PCM1: variants seen among roughly 807,000 people sequenced by gnomAD.
PCM1 encodes pericentriolar material 1 protein.
A neutral mutation model predicts 241.9 loss-of-function variants in PCM1; 157 were observed. The ratio of observed to expected loss-of-function variants is 0.65; its 90% confidence interval spans 0.57 to 0.74. The LOEUF is 0.74. Among genes scored for constraint, PCM1 ranks in the 30% least tolerant of loss-of-function variants. The pLI, the probability that PCM1 is intolerant of heterozygous loss-of-function variation, is 0.00. For synonymous variants in PCM1, 1,085 were observed against 784.9 expected, an observed-to-expected ratio of 1.38 and a Z score of -6.39; for missense variants, 3,478 against 2,360.1, an observed-to-expected ratio of 1.47 and a Z score of -9.81.
chr8:17,925,189 G>A (rs1335478083), intron 2 of PCM1: 3 of 152,124 alleles, frequency 2.0e-5, no homozygotes, highest in African/African-American at 4.8e-5. Flanking sequence ...GTTATACCTT[G>A]ACCGAAATTT....
chr8:17,928,709 G>A (rs1448848593), intron 2 of PCM1, among the ~76,000 whole-genome samples: 1 of 134,432 alleles, frequency 7.4e-6, no homozygotes, highest in African/African-American at 2.8e-5. Flanking sequence ...TCCGCTCACT[G>A]TAACCTCTGC....
At chr8:17,946,836 T>TGTGG (rs758501552) in intron 6 of PCM1, among the ~76,000 whole-genome samples, 1 of 115,602 alleles carries the variant, frequency 8.7e-6, no homozygotes, top group East Asian at 2.0e-4. Context: ...TTCTTCAGTG[T>TGTGG]GTGTGTGTGT....
chr8:18,011,392 T>G, intron 33 of PCM1, 26 bp downstream of exon 33: 2 of 1,511,366 alleles, frequency 1.3e-6, no homozygotes, highest in East Asian at 2.3e-5. Flanking sequence ...CTGTACTATC[T>G]TTATACTTTA....
chr8:18,010,908 G>A (rs1172472221), intron 32 of PCM1, among the ~76,000 whole-genome samples: 3 of 152,130 alleles, frequency 2.0e-5, no homozygotes, highest in Admixed American at 6.5e-5. Context: ...GGGAGGCAGA[G>A]GTGGTATTGA....
intron 36 of PCM1, among the ~76,000 whole-genome samples, chr8:18,019,460 G>A (rs778328746): frequency 6.6e-5 from 10 of 152,018 alleles, no homozygotes; most frequent in East Asian, 1.9e-4. Context: ...TTATTATTAC[G>A]TTATATAATG....
intron 23 of PCM1, among the ~76,000 whole-genome samples, chr8:17,978,604 C>T (rs536313060): frequency 1.3e-5 from 2 of 152,074 alleles, no homozygotes; most frequent in South Asian, 2.1e-4. Context: ...ACTCAGGAAC[C>T]TTGTACTCAG....
Position 18,025,437 on chromosome 8 carries a change from T to G in PCM1, c.5918T>G (p.Leu1973Arg). Reference protein sequence around the residue: ...FVKVEDLPLKLTIYSEADLRK... With the variant: ...FVKVEDLPLKRTIYSEADLRK... ...AAAGTTGAAGATTTACCACTGAAAC[T>G]GACAATATATTCAGAGGTATTTAGC... is the stretch of plus-strand genomic sequence containing the variant. The change falls in exon 37 of 39, where the codon CTG becomes CGG. Residue 1973 changes from leucine (L) to arginine (R), a missense_variant. Leu to Arg is a moderately radical substitution (Grantham distance 102). Coordinates refer to ENST00000325083, the MANE Select transcript of PCM1 (RefSeq NM_006197.4). The G allele has an allele frequency of 6.3e-7, 1 of 1,592,702 alleles. No homozygotes were observed. The highest frequency in any genetic ancestry group is 8.6e-7 in the Non-Finnish European group (1 of 1,163,070).
intron 32 of PCM1, 52 bp from the exon 33 acceptor site, chr8:18,011,185 C>G (rs2092447126): frequency 7.4e-7 from 1 of 1,357,172 alleles, no homozygotes; most frequent in African/African-American, 1.5e-5. Flanking sequence ...TACTATATAC[C>G]TTTTACACAT....
At chr8:17,965,824 T>C (rs2074667099) in intron 18 of PCM1, among the ~76,000 whole-genome samples, 175 bp from the exon 19 acceptor site, 1 of 152,232 alleles carries the variant, frequency 6.6e-6, no homozygotes, top group Admixed American at 6.5e-5. Flanking sequence ...AAACTAATAA[T>C]TGTACAAAGC....
At chr8:17,944,358 T>C (rs953503363) in intron 6 of PCM1, among the ~76,000 whole-genome samples, 1 of 152,152 alleles carries the variant, frequency 6.6e-6, no homozygotes, top group African/African-American at 2.4e-5. Context: ...TCTAGGCTTA[T>C]AGTTCCTCAA....
rs1362945914 is a variant in PCM1, at chr8:18,029,373, G to A, written c.*1711G>A. On this transcript the variant is annotated 3_prime_UTR_variant, in exon 39 of 39. Transcript: ENST00000325083. ...TATCCAGGTGCTCTAACTAACTTCA[G>A]GGAAATTGGAACAATAAGTTATGTT... is the stretch of plus-strand genomic sequence containing the variant. 1 of 214,290 alleles carries A rather than the reference G, an allele frequency of 4.7e-6. No homozygotes were observed. The highest frequency in any genetic ancestry group is 9.4e-6 in the Non-Finnish European group (1 of 106,420). The allele number at this position is 214,290 out of a possible 1,614,324, so 13.3% of individuals were successfully genotyped here.
chr8:17,965,360 G>T (rs2074426721), intron 18 of PCM1, among the ~76,000 whole-genome samples: 1 of 152,212 alleles, frequency 6.6e-6, no homozygotes, highest in African/African-American at 2.4e-5. Flanking sequence ...ACATCTGGTT[G>T]AAAGGGGCTT....
chr8:18,017,696 A>G (rs1201473111), intron 36 of PCM1, among the ~76,000 whole-genome samples: 2 of 152,202 alleles, frequency 1.3e-5, no homozygotes, highest in Non-Finnish European at 2.9e-5. Flanking sequence ...TCTATTAAAA[A>G]TACAAAATTA....
chr8:17,964,871 C>T (rs1938775993), intron 18 of PCM1, 103 bp downstream of exon 18: 1 of 794,822 alleles, frequency 1.3e-6, no homozygotes, highest in African/African-American at 1.7e-5. Flanking sequence ...GAATGTCCTA[C>T]AACTCAATTC....
intron 10 of PCM1, chr8:17,955,995 C>T (rs2068224128): frequency 3.3e-6 from 1 of 300,368 alleles, no homozygotes; most frequent in Admixed American, 4.7e-5. Context: ...GGCTGTGTTA[C>T]CCTGTACAAA....
At chr8:17,984,786 G>C (rs2082070856) in intron 24 of PCM1, among the ~76,000 whole-genome samples, 3 of 151,902 alleles carry the variant, frequency 2.0e-5, no homozygotes, top group Admixed American at 2.0e-4. Context: ...AAATAATAGA[G>C]TGATGCCTAG....
chr8:18,023,070 A>ACAAT (rs2077816129), intron 36 of PCM1, among the ~76,000 whole-genome samples: 1 of 152,202 alleles, frequency 6.6e-6, no homozygotes, highest in Non-Finnish European at 1.5e-5. Flanking sequence ...AATAACCATG[A>ACAAT]CAATCACATC....
Position 17,963,219 on chromosome 8 carries a change from C to G in PCM1, c.2582C>G (p.Ser861Cys), listed in dbSNP as rs202145846. 1.2e-4 allele frequency: 199 copies of G among 1,613,632 alleles called. No individual in the cohort carries two copies. Among genetic ancestry groups the G allele is most frequent in the Admixed American group, 2.3e-4 (14 of 59,982 alleles). The stretch of plus-strand genomic sequence containing the variant: ...AGGCAAGGTCTAGCTGAAACTGCAT[C>G]TCCAGTGGCTGTGTCATTGAGAAGT... ...QRRQGLAETA[S>C]PVAVSLRSDG... The change falls in exon 17 of 39, where the codon TCT becomes TGT. Residue 861 changes from serine (S) to cysteine (C), a missense_variant. Ser to Cys is a moderately radical substitution (Grantham distance 112, BLOSUM62 -1). Transcript: ENST00000325083.
At chr8:17,997,342 G>C (rs2087250358) in intron 29 of PCM1, among the ~76,000 whole-genome samples, 1 of 152,094 alleles carries the variant, frequency 6.6e-6, no homozygotes. Context: ...ATGTTTGGCA[G>C]TTTGATTATT....
Sources: gnomAD v4.1 joint callset for allele counts (sites outside exome capture counted in the v4.1 genomes callset) on GRCh38, gnomAD v4.1.1 for gene constraint, MANE v1.5 for transcripts, NCBI Gene and HGNC (gene_info 2026-07-23, HGNC 2026-07-21) for gene names.